Variants in RPAIN observed in about 807,000 individuals in gnomAD.
RPAIN encodes the protein RPA interacting protein.
Under a neutral mutation model 30.5 loss-of-function variants are expected in RPAIN, and 29 were observed. The ratio of observed to expected loss-of-function variants is 0.95; its 90% CI spans 0.71 to 1.30. RPAIN has a LOEUF of 1.30. Among genes scored for constraint, RPAIN ranks in the 50% most tolerant of loss-of-function variants. The pLI is 0.00. For synonymous variants in RPAIN, 101 were observed against 93.5 expected (o/e 1.08, Z -0.46); for missense variants, 247 against 264.7 (o/e 0.93, Z 0.46).
At chr17:5,431,704 G>A in intron 6 of RPAIN, 1 of 452,260 alleles carries the variant, frequency 2.2e-6, no homozygotes, top group Admixed American at 2.4e-5. Flanking sequence ...ATAGGGGTGG[G>A]TTACAGAAGA....
chr17:5,420,501 T>C (rs1914653569), intron 1 of RPAIN, among the ~76,000 whole-genome samples: 1 of 151,896 alleles, frequency 6.6e-6, no homozygotes, highest in African/African-American at 2.4e-5. Context: ...TGTTTTGAAT[T>C]TAAATTGTGG....
chr17:5,425,892 C>A, intron 3 of RPAIN, 79 bp from the exon 4 acceptor site: 1 of 873,240 alleles, frequency 1.1e-6, no homozygotes, highest in East Asian at 2.6e-5. Flanking sequence ...GTGAAGGAAG[C>A]CTTTGACAGT....
chr17:5,420,792 G>C (rs930495018), intron 1 of RPAIN, among the ~76,000 whole-genome samples: 1 of 152,186 alleles, frequency 6.6e-6, no homozygotes, highest in Non-Finnish European at 1.5e-5. Flanking sequence ...CATTTTGAGG[G>C]AGATATTTAT....
Position 5,420,933 on chromosome 17 carries a change from C to T in RPAIN, c.82-363C>T, listed in dbSNP as rs568607460. 2.6e-5 allele frequency among the ~76,000 whole-genome samples: 4 copies of T among 152,292 alleles called. No homozygotes were observed. The South Asian group carries it at 6.2e-4, about 24-fold the overall frequency. On this transcript the variant is annotated intron_variant, in intron 1 of 6. Transcript: ENST00000381209. ...AAATGTTCCTTGGGGGACAAAACCTCCCTGAGTTCAGAAACGCTGCTGTGC... is the reference window on the plus strand; with the variant it reads ...AAATGTTCCTTGGGGGACAAAACCTTCCTGAGTTCAGAAACGCTGCTGTGC...
chr17:5,424,347 TCTCAAACAGCTGGA>T (rs1206192548), intron 3 of RPAIN, among the ~76,000 whole-genome samples: 14 of 152,260 alleles, frequency 9.2e-5, no homozygotes, highest in Admixed American at 5.2e-4. Context: ...CCTAGGCTGG[TCTCAAACAGCTGGA>T]CTCAAACCAT....
At chr17:5,427,611 G>T in intron 5 of RPAIN, 1 of 151,860 alleles carries the variant, frequency 6.6e-6, no homozygotes, top group Admixed American at 6.5e-5. Context: ...CAGCTCATCT[G>T]TTTGTTTCCT....
Position 5,422,808 on chromosome 17 carries a change from C to G in RPAIN, c.292C>G (p.Gln98Glu). 6.2e-7 allele frequency: 1 copy of G among 1,612,990 alleles called. No homozygotes were observed. The highest frequency in any genetic ancestry group is 8.5e-7 in the Non-Finnish European group (1 of 1,179,256). Residue 98 changes from glutamine (Q) to glutamate (E), a missense_variant, in exon 3 of 7, where the codon CAA becomes GAA. Coordinates refer to ENST00000381209, the MANE Select transcript of RPAIN (RefSeq NM_001033002.4). ...LIDMAVLEEI[Q>E]QELINQEQSI... ...AGACATGGCTGTGCTGGAGGAAATT[C>G]AACAGGAGCTGATCAACCAAGGTAA... is the stretch of plus-strand genomic sequence containing the variant.
intron 6 of RPAIN, chr17:5,431,398 G>A (rs923235251): frequency 6.7e-6 from 3 of 448,334 alleles, no homozygotes; most frequent in Non-Finnish European, 1.3e-5. Flanking sequence ...GAAGTGGGAG[G>A]ATGGCTTGAG....
intron 4 of RPAIN, 69 bp downstream of exon 4, chr17:5,426,151 C>T (rs1915367112): frequency 1.3e-6 from 2 of 1,559,202 alleles, no homozygotes; most frequent in South Asian, 2.2e-5. Flanking sequence ...GTGGAATCTC[C>T]CCCCAGATTT....
rs751279191 is a variant in RPAIN at position 5,420,521 on chromosome 17, C to T, written c.81+230C>T. 2.0e-5 allele frequency among the ~76,000 whole-genome samples: 3 copies of T among 152,054 alleles called. 1 individual carries two copies. Among genetic ancestry groups the T allele is most frequent in the Middle Eastern group, 6.8e-3 (2 of 294 alleles). On this transcript the variant is annotated intron_variant, in intron 1 of 6. Coordinates refer to ENST00000381209, the MANE Select transcript of RPAIN (RefSeq NM_001033002.4). ...TGAATTTAAATTGTGGTCAGGACAT[C>T]ACCGTTTGCACCTCTGCAATAACAC...
chr17:5,431,241 T>A, intron 6 of RPAIN: 1 of 352,298 alleles, frequency 2.8e-6, no homozygotes, highest in South Asian at 2.2e-5. Context: ...AACCCCAGCA[T>A]TTAGGAAGGC....
chr17:5,423,967 GA>G lies in RPAIN; in HGVS notation c.313+1139del, dbSNP rs1245454146. 8.8e-5 allele frequency among the ~76,000 whole-genome samples: 13 copies of G among 147,540 alleles called. No homozygotes were observed. The South Asian group carries it at 1.5e-3, about 17-fold the overall frequency. ...TTTTAGCTAAAGATGATAAAAACAA[GA>G]CAAAAAATTATTTTATTTATGTATT... is the stretch of plus-strand genomic sequence containing the variant. On this transcript the variant is annotated intron_variant, in intron 3 of 6. Coordinates refer to ENST00000381209, the MANE Select transcript of RPAIN (RefSeq NM_001033002.4).
At position 5,431,251 on chromosome 17, in the gene RPAIN, C is replaced by T. The variant is rs1477010269; in HGVS notation, c.631-1291C>T. The T allele has an allele frequency of 8.5e-6, 3 of 353,846 alleles. No individual in the cohort carries two copies. The East Asian group carries it at 2.4e-4, about 28-fold the overall frequency. 21.9% of individuals were successfully genotyped at this position (353,846 alleles called of 1,614,324 possible). ...CCTGTAACCCCAGCATTTAGGAAGG[C>T]TGAGGTGGGAGGATCACTTGAGGCC... is the stretch of plus-strand genomic sequence containing the variant. On this transcript the variant is annotated intron_variant, in intron 6 of 6. Transcript: ENST00000381209.
intron 6 of RPAIN, chr17:5,430,915 C>G (rs2871211): frequency 0.071 from 11,180 of 157,310 alleles, 542 homozygotes; most frequent in East Asian, 0.18. Flanking sequence ...AAATGCTGGT[C>G]GGGGGAAGAG....
At chr17:5,421,529 CTTTT>C (rs2151658104) in intron 2 of RPAIN, 63 bp downstream of exon 2, 1 of 1,490,568 alleles carries the variant, frequency 6.7e-7, no homozygotes, top group East Asian at 2.3e-5. Flanking sequence ...CTCGTGTCCT[CTTTT>C]ATTTGTTTAC....
Position 5,420,231 on chromosome 17 carries a change from T to C in RPAIN, c.21T>C (p.Ser7=), listed in dbSNP as rs746722277. 8 of 1,613,696 alleles carry C rather than the reference T, an allele frequency of 5.0e-6. No individual in the cohort carries two copies. The highest frequency in any genetic ancestry group is 2.5e-6 in the Non-Finnish European group (3 of 1,179,996). The change falls in exon 1 of 7, where the codon TCT becomes TCC. Residue 7 remains serine (S), a synonymous_variant. Coordinates refer to ENST00000381209, the MANE Select transcript of RPAIN (RefSeq NM_001033002.4). MAESLR[S]PRRSLYKLVG... ...AGGAGATGGCGGAGTCGTTGAGGTCTCCGCGCCGCTCCCTGTACAAACTGG... is the reference window on the plus strand; with the variant it reads ...AGGAGATGGCGGAGTCGTTGAGGTCCCCGCGCCGCTCCCTGTACAAACTGG...
At chr17:5,431,542 T>A (rs1369594125) in intron 6 of RPAIN, 1 of 441,180 alleles carries the variant, frequency 2.3e-6, no homozygotes, top group Non-Finnish European at 4.5e-6. Flanking sequence ...AGGTCTTGAG[T>A]TCAACATTTG....
chr17:5,424,364 C>T (rs559511561), intron 3 of RPAIN, among the ~76,000 whole-genome samples: 22 of 152,264 alleles, frequency 1.4e-4, no homozygotes, highest in Admixed American at 1.1e-3. Flanking sequence ...CAGCTGGACT[C>T]AAACCATCCT....
At chr17:5,428,317 G>C (rs1248961246) in intron 6 of RPAIN, 106 bp downstream of exon 6, 2 of 1,570,456 alleles carry the variant, frequency 1.3e-6, no homozygotes, top group South Asian at 2.3e-5. Flanking sequence ...GTTTAATGCA[G>C]TTTATTATCT....
Sources: allele counts gnomAD v4.1 joint callset (sites outside exome capture counted in the v4.1 genomes callset), GRCh38; gene constraint gnomAD v4.1.1; transcripts MANE v1.5; gene names NCBI Gene and HGNC (gene_info 2026-07-23, HGNC 2026-07-21).